CDK13: variants seen among roughly 807,000 people sequenced by gnomAD.
The protein encoded by CDK13 is cyclin-dependent kinase 13.
Under a neutral mutation model 137.6 loss-of-function variants are expected in CDK13, and 40 were observed. The ratio of observed to expected loss-of-function variants is 0.29; its 90% CI spans 0.23 to 0.38. CDK13 has a LOEUF of 0.38. Ranked by LOEUF, CDK13 falls within the 10% of genes least tolerant of loss-of-function variation. The pLI is 1.00. For missense variants in CDK13, 1,704 were observed against 1,951.8 expected (o/e 0.87, Z 2.39); for synonymous variants, 869 against 760.1 (o/e 1.14, Z -2.36).
At chr7:39,962,831 T>C (rs1017121346) in intron 1 of CDK13, among the ~76,000 whole-genome samples, 1 of 152,236 alleles carries the variant, frequency 6.6e-6, no homozygotes, top group Admixed American at 6.5e-5. Context: ...CAGTTTCAGC[T>C]TTCTACATAA....
At chr7:40,014,533 C>T (rs753481555) in intron 5 of CDK13, among the ~76,000 whole-genome samples, 19 of 150,402 alleles carry the variant, frequency 1.3e-4, no homozygotes, top group Non-Finnish European at 2.4e-4. Context: ...CAGCTCACTG[C>T]AGCCTTGACC....
intron 11 of CDK13, among the ~76,000 whole-genome samples, chr7:40,087,507 G>A (rs1032131270): frequency 2.7e-5 from 4 of 149,914 alleles, no homozygotes. Flanking sequence ...ACTATCATAA[G>A]AACTGACTTT....
intron 1 of CDK13, among the ~76,000 whole-genome samples, chr7:39,977,217 G>GTT (rs904489308): frequency 3.9e-5 from 6 of 152,160 alleles, no homozygotes; most frequent in African/African-American, 1.4e-4. Flanking sequence ...TAAAGGCATG[G>GTT]AAGTATTGGG....
chr7:40,016,095 A>G (rs1246362582), intron 5 of CDK13, among the ~76,000 whole-genome samples: 1 of 152,230 alleles, frequency 6.6e-6, no homozygotes, highest in Non-Finnish European at 1.5e-5. Context: ...CCAGCAGTGA[A>G]GGGTGGAAGT....
intron 5 of CDK13, among the ~76,000 whole-genome samples, chr7:40,021,639 G>A (rs1423233289): frequency 2.6e-5 from 4 of 151,988 alleles, no homozygotes; most frequent in African/African-American, 7.3e-5. Flanking sequence ...ATCTAAAAAA[G>A]TAGTGTTTTA....
chr7:40,011,886 T>C (rs1784902101), intron 5 of CDK13, among the ~76,000 whole-genome samples: 1 of 152,216 alleles, frequency 6.6e-6, no homozygotes. Flanking sequence ...TTGTATATCT[T>C]ATAAGGAACT....
At chr7:40,011,808 T>C (rs1784900468) in intron 5 of CDK13, among the ~76,000 whole-genome samples, 1 of 152,200 alleles carries the variant, frequency 6.6e-6, no homozygotes, top group Admixed American at 6.5e-5. Context: ...AAATTACTTT[T>C]GTCCTTTAGG....
intron 5 of CDK13, among the ~76,000 whole-genome samples, chr7:40,019,603 A>G (rs1583996262): frequency 6.6e-6 from 1 of 152,040 alleles, no homozygotes; most frequent in African/African-American, 2.4e-5. Flanking sequence ...TTTCTCCCCA[A>G]AGTCTTCTGA....
chr7:40,004,343 A>G (rs1173897381), intron 5 of CDK13, among the ~76,000 whole-genome samples: 1 of 152,128 alleles, frequency 6.6e-6, no homozygotes, highest in Middle Eastern at 3.2e-3. Context: ...TGCACCCTTC[A>G]TCATCTTTCT....
intron 2 of CDK13, among the ~76,000 whole-genome samples, chr7:39,995,919 A>G (rs1784551935): frequency 1.3e-5 from 2 of 152,214 alleles, no homozygotes; most frequent in African/African-American, 2.4e-5. Flanking sequence ...CTGAGGCAGG[A>G]GAATCGCTTG....
At chr7:39,961,146 G>T (rs548793394) in intron 1 of CDK13, among the ~76,000 whole-genome samples, 2 of 151,978 alleles carry the variant, frequency 1.3e-5, no homozygotes, top group Admixed American at 6.6e-5. Context: ...ATTACTTGAG[G>T]TCGGGAGTTC....
At chr7:39,980,565 A>G (rs915183685) in intron 1 of CDK13, among the ~76,000 whole-genome samples, 1 of 152,164 alleles carries the variant, frequency 6.6e-6, no homozygotes, top group Non-Finnish European at 1.5e-5. Flanking sequence ...CACAGCTGCT[A>G]TTAGCATGAG....
intron 5 of CDK13, among the ~76,000 whole-genome samples, chr7:40,018,447 C>CA (rs1280579174): frequency 3.3e-5 from 5 of 152,048 alleles, no homozygotes; most frequent in Non-Finnish European, 5.9e-5. Flanking sequence ...ATCAGAAAGA[C>CA]ACGTGCATGT....
chr7:39,972,613 A>G (rs1450481434), intron 1 of CDK13, among the ~76,000 whole-genome samples: 1 of 152,214 alleles, frequency 6.6e-6, no homozygotes, highest in Non-Finnish European at 1.5e-5. Flanking sequence ...ACTAAAGCAT[A>G]ATGTTTTCAA....
intron 2 of CDK13, among the ~76,000 whole-genome samples, chr7:39,992,699 T>C (rs1396557773): frequency 1.3e-5 from 2 of 151,654 alleles, no homozygotes; most frequent in East Asian, 1.9e-4. Flanking sequence ...GCCCTATGAC[T>C]TTTTGAAGAG....
rs539789751 is a variant in CDK13, at chr7:40,009,481, G to A, written c.2353+7450G>A. Among the ~76,000 whole-genome samples the A allele has an allele frequency of 5.9e-5, 9 of 152,332 alleles. No homozygotes were observed. The South Asian group carries it at 1.7e-3, about 28-fold the overall frequency. ...CTGGTTTGGTTAGGAATGAAGAATT[G>A]AGGACAAAAGTCTTACATAATGAGC... On this transcript the variant is annotated intron_variant, in intron 5 of 13. Transcript: ENST00000181839.
At chr7:40,014,450 CTCTT>C (rs1349933717) in intron 5 of CDK13, among the ~76,000 whole-genome samples, 1 of 136,398 alleles carries the variant, frequency 7.3e-6, no homozygotes, top group Non-Finnish European at 1.5e-5. Flanking sequence ...GTATTTCTCT[CTCTT>C]TTTTTTTTTT....
intron 1 of CDK13, among the ~76,000 whole-genome samples, chr7:39,953,357 T>G (rs2116085033): frequency 6.6e-6 from 1 of 152,332 alleles, no homozygotes; most frequent in Non-Finnish European, 1.5e-5. Flanking sequence ...GGGTTTGCAG[T>G]TTTTGCAGTT....
At chr7:40,089,533 A>G (rs899973946) in intron 12 of CDK13, among the ~76,000 whole-genome samples, 1 of 151,904 alleles carries the variant, frequency 6.6e-6, no homozygotes, top group Non-Finnish European at 1.5e-5. Flanking sequence ...AAGCTTTTTG[A>G]TGCAAAGTCT....
Sources: allele counts gnomAD v4.1 joint callset (sites outside exome capture counted in the v4.1 genomes callset), GRCh38; gene constraint gnomAD v4.1.1; transcripts MANE v1.5; gene names NCBI Gene and HGNC (gene_info 2026-07-23, HGNC 2026-07-21).